The following SEPTIN10 variants were observed in gnomAD, a reference collection of about 807,000 sequenced individuals.
The protein encoded by SEPTIN10 is septin 10, also known as septin-10.
Under a neutral mutation model 54.8 loss-of-function variants are expected in SEPTIN10, and 66 were observed. The ratio of observed to expected loss-of-function variants is 1.21; its 90% confidence interval spans 0.99 to 1.48. SEPTIN10 has a LOEUF of 1.48. Ranked by LOEUF, SEPTIN10 falls within the 40% of genes most tolerant of loss-of-function variation. SEPTIN10 has a pLI of 0.00. For synonymous variants in SEPTIN10, 161 were observed against 181.0 expected (o/e 0.89, Z 0.89); for missense variants, 620 against 545.6 (o/e 1.14, Z -1.36).
In SEPTIN10 at chr2:109,546,047, T is replaced by G; in HGVS notation, c.1349+3A>C. The G allele has an allele frequency of 6.4e-7, 1 of 1,565,414 alleles. No homozygotes were observed. Among genetic ancestry groups the G allele is most frequent in the South Asian group, 1.2e-5 (1 of 83,292 alleles). On this transcript the variant is annotated splice_donor_region_variant and intron_variant, in intron 10 of 10. Transcript: ENST00000397712. ...TGCCAGGGAGGGTGGCTGGGCCTCT[T>G]ACTTCTTACGGTCCTTGTCCTTCCT...
At chr2:109,565,725 A>G in intron 7 of SEPTIN10, 38 bp downstream of exon 7, 1 of 1,512,404 alleles carries the variant, frequency 6.6e-7, no homozygotes, top group Non-Finnish European at 9.2e-7. Flanking sequence ...AGATTACTAG[A>G]TAGATACATA....
intron 5 of SEPTIN10, among the ~76,000 whole-genome samples, chr2:109,570,391 G>T (rs2105331211): frequency 6.6e-6 from 1 of 152,216 alleles, no homozygotes; most frequent in South Asian, 2.1e-4. Context: ...TGTGGGTTCT[G>T]CATCCACAGA....
At chr2:109,565,724 G>A in intron 7 of SEPTIN10, 39 bp downstream of exon 7, 1 of 1,508,190 alleles carries the variant, frequency 6.6e-7, no homozygotes, top group Non-Finnish European at 9.2e-7. Flanking sequence ...GAGATTACTA[G>A]ATAGATACAT....
rs1694451048 is a variant in SEPTIN10, at chr2:109,593,072, T to C, written c.78A>G (p.Gln26=). ...MATKTTCMSS[Q]GSDDEQIKRE... ...TCACTATCTGTTCATCATCTGATCC[T>C]TGTGAAGACATACAAGTTGTTTTCG... Residue 26 remains glutamine (Q), a synonymous_variant, in exon 2 of 11, where the codon CAA becomes CAG. Coordinates refer to ENST00000397712, the MANE Select transcript of SEPTIN10 (RefSeq NM_144710.5). 1.2e-6 allele frequency: 2 copies of C among 1,601,234 alleles called. No individual in the cohort carries two copies. The highest frequency in any genetic ancestry group is 1.7e-6 in the Non-Finnish European group (2 of 1,174,348).
At chr2:109,567,379 ATG>A (rs775962874) in intron 6 of SEPTIN10, among the ~76,000 whole-genome samples, 3 of 152,228 alleles carry the variant, frequency 2.0e-5, no homozygotes, top group Non-Finnish European at 4.4e-5. Context: ...AGTTATATGA[ATG>A]TAACTTGACA....
chr2:109,559,860 G>A (rs1685209616), intron 8 of SEPTIN10, among the ~76,000 whole-genome samples: 1 of 150,772 alleles, frequency 6.6e-6, no homozygotes. Context: ...CCTGTTGCAG[G>A]CCTTCCCTTC....
At chr2:109,577,482 C>T (rs776733621) in intron 4 of SEPTIN10, among the ~76,000 whole-genome samples, 1 of 151,710 alleles carries the variant, frequency 6.6e-6, no homozygotes, top group African/African-American at 2.4e-5. Flanking sequence ...ATCCCAGGTA[C>T]TCAGGAGGCT....
intron 1 of SEPTIN10, among the ~76,000 whole-genome samples, chr2:109,611,032 A>G (rs1699148811): frequency 6.6e-6 from 1 of 152,210 alleles, no homozygotes; most frequent in Non-Finnish European, 1.5e-5. Context: ...AAACAGACCC[A>G]CACAAATATG....
intron 9 of SEPTIN10, among the ~76,000 whole-genome samples, 155 bp from the exon 10 acceptor site, chr2:109,546,392 A>C (rs990052813): frequency 3.2e-4 from 48 of 152,210 alleles, no homozygotes; most frequent in African/African-American, 1.1e-3. Flanking sequence ...TAGTTCAAGG[A>C]AAAGTTTACA....
chr2:109,611,773 C>T (rs1330019793), intron 1 of SEPTIN10, among the ~76,000 whole-genome samples: 1 of 152,112 alleles, frequency 6.6e-6, no homozygotes, highest in Non-Finnish European at 1.5e-5. Context: ...AAGTTAAAAT[C>T]ACCATGAGGT....
intron 8 of SEPTIN10, among the ~76,000 whole-genome samples, chr2:109,557,206 T>C (rs1684579613): frequency 6.6e-6 from 1 of 152,144 alleles, no homozygotes; most frequent in South Asian, 2.1e-4. Context: ...AAAAAAATCT[T>C]GAATGCATAA....
intron 8 of SEPTIN10, among the ~76,000 whole-genome samples, chr2:109,563,471 T>C (rs1298724977): frequency 2.0e-5 from 3 of 152,192 alleles, no homozygotes; most frequent in East Asian, 1.9e-4. Flanking sequence ...GAGTTTAAAA[T>C]AGCACTTGTC....
At chr2:109,547,860 G>C (rs1681712766) in intron 9 of SEPTIN10, among the ~76,000 whole-genome samples, 1 of 152,206 alleles carries the variant, frequency 6.6e-6, no homozygotes, top group Admixed American at 6.5e-5. Context: ...AACTCAGCTT[G>C]CTCCAGCTGC....
intron 10 of SEPTIN10, chr2:109,544,760 T>C (rs1027701991): frequency 1.2e-6 from 1 of 821,106 alleles, no homozygotes; most frequent in East Asian, 1.2e-4. Flanking sequence ...TTGAATAAAA[T>C]ACAGCTTTTA....
intron 4 of SEPTIN10, among the ~76,000 whole-genome samples, chr2:109,575,686 G>T (rs937317218): frequency 6.6e-6 from 1 of 152,124 alleles, no homozygotes; most frequent in Non-Finnish European, 1.5e-5. Context: ...AACAAATCTG[G>T]GTTTCCAAGT....
chr2:109,579,297 A>C (rs1377530001), intron 4 of SEPTIN10, among the ~76,000 whole-genome samples: 19 of 152,304 alleles, frequency 1.2e-4, no homozygotes. Flanking sequence ...TCTTCTTAGA[A>C]AACCCCAGGC....
chr2:109,586,304 C>CA (rs1692520666), intron 2 of SEPTIN10, among the ~76,000 whole-genome samples: 1 of 152,156 alleles, frequency 6.6e-6, no homozygotes, highest in African/African-American at 2.4e-5. Flanking sequence ...CAATTACAAG[C>CA]AACCCTTTTA....
intron 8 of SEPTIN10, among the ~76,000 whole-genome samples, chr2:109,562,906 C>T (rs946273185): frequency 6.6e-6 from 1 of 150,774 alleles, no homozygotes; most frequent in African/African-American, 2.4e-5. Context: ...TAAGTACACA[C>T]AATGCTTTTT....
chr2:109,569,237 T>A (rs186993496), intron 5 of SEPTIN10, among the ~76,000 whole-genome samples: 1 of 152,166 alleles, frequency 6.6e-6, no homozygotes, highest in Non-Finnish European at 1.5e-5. Flanking sequence ...GAGACCAGCC[T>A]GACCAAAATG....
Sources: allele counts gnomAD v4.1 joint callset (sites outside exome capture counted in the v4.1 genomes callset), GRCh38; gene constraint gnomAD v4.1.1; transcripts MANE v1.5; gene names NCBI Gene and HGNC (gene_info 2026-07-23, HGNC 2026-07-21).